Variants in GRM1 observed in about 807,000 individuals in gnomAD.
The protein encoded by GRM1 is glutamate metabotropic receptor 1.
GRM1 carries 33 observed loss-of-function variants against 90.9 expected under a neutral mutation model. The ratio of observed to expected loss-of-function variants is 0.36; its 90% CI spans 0.28 to 0.49. GRM1 has a LOEUF of 0.49. Among genes scored for constraint, GRM1 ranks in the 20% least tolerant of loss-of-function variants. GRM1 has a pLI of 0.99. For synonymous variants in GRM1, 700 were observed against 613.2 expected (o/e 1.14, Z -2.09); for missense variants, 1,190 against 1,534.3 (o/e 0.78, Z 3.75).
At chr6:146,178,459 C>T (rs1583119387) in intron 2 of GRM1, among the ~76,000 whole-genome samples, 1 of 152,124 alleles carries the variant, frequency 6.6e-6, no homozygotes, top group East Asian at 1.9e-4. Flanking sequence ...GGGGATGGGA[C>T]CCAAGTCTAA....
intron 5 of GRM1, among the ~76,000 whole-genome samples, chr6:146,377,993 T>C (rs1349036286): frequency 6.6e-6 from 1 of 152,198 alleles, no homozygotes; most frequent in Non-Finnish European, 1.5e-5. Flanking sequence ...AATATAGTGC[T>C]CAAGCTGTTG....
At chr6:146,164,826 G>T (rs1471514613) in intron 2 of GRM1, among the ~76,000 whole-genome samples, 1 of 152,010 alleles carries the variant, frequency 6.6e-6, no homozygotes, top group Admixed American at 6.6e-5. Context: ...AGCCTTTACT[G>T]TAAGTTCACA....
chr6:146,163,248 C>G (rs1777799803), intron 2 of GRM1, among the ~76,000 whole-genome samples: 1 of 152,126 alleles, frequency 6.6e-6, no homozygotes, highest in South Asian at 2.1e-4. Context: ...TAATCACAAT[C>G]AAGTTAATCA....
At chr6:146,219,907 TTGTGTG>T (rs113309622) in intron 2 of GRM1, among the ~76,000 whole-genome samples, 7 of 148,402 alleles carry the variant, frequency 4.7e-5, no homozygotes, top group Non-Finnish European at 7.5e-5. Context: ...TCTTGTTGTT[TTGTGTG>T]TGTGTGTGTG....
chr6:146,182,606 A>G (rs1276359660), intron 2 of GRM1, among the ~76,000 whole-genome samples: 4 of 152,192 alleles, frequency 2.6e-5, no homozygotes, highest in Non-Finnish European at 5.9e-5. Context: ...TTAAAATGTT[A>G]TATTACCCAT....
chr6:146,049,651 ATATC>A (rs143624231), intron 1 of GRM1, among the ~76,000 whole-genome samples: 51,471 of 147,248 alleles, frequency 0.35, 8,979 homozygotes, highest in Middle Eastern at 0.38. Flanking sequence ...ACCTCCTTTC[ATATC>A]TATCTATCTA....
At chr6:146,401,585 A>G (rs1475299631) in intron 7 of GRM1, among the ~76,000 whole-genome samples, 1 of 152,168 alleles carries the variant, frequency 6.6e-6, no homozygotes, top group African/African-American at 2.4e-5. Context: ...TGCAACACCT[A>G]TGGTTTTCTG....
At chr6:146,352,578 C>T (rs1785445405) in intron 4 of GRM1, 82 bp downstream of exon 4, 3 of 1,413,906 alleles carry the variant, frequency 2.1e-6, no homozygotes, top group Middle Eastern at 2.1e-4. Flanking sequence ...TCATCTGGTT[C>T]CATGGTTTCT....
At chr6:146,221,185 A>G (rs555502540) in intron 2 of GRM1, among the ~76,000 whole-genome samples, 13 of 152,232 alleles carry the variant, frequency 8.5e-5, no homozygotes, top group African/African-American at 3.1e-4. Context: ...TTTTGTAAAG[A>G]ATCAGAGATT....
intron 3 of GRM1, among the ~76,000 whole-genome samples, chr6:146,319,160 T>C (rs1784080655): frequency 6.6e-6 from 1 of 152,068 alleles, no homozygotes; most frequent in Admixed American, 6.5e-5. Context: ...CCATCTTGAG[T>C]TAATTTTTGT....
intron 2 of GRM1, among the ~76,000 whole-genome samples, chr6:146,236,607 TGGGCCCA>T (rs1433382013): frequency 6.6e-6 from 1 of 152,138 alleles, no homozygotes; most frequent in Non-Finnish European, 1.5e-5. Flanking sequence ...TTCAATAGGC[TGGGCCCA>T]GTATATATTT....
At chr6:146,332,534 T>G (rs1784620006) in intron 3 of GRM1, among the ~76,000 whole-genome samples, 1 of 152,220 alleles carries the variant, frequency 6.6e-6, no homozygotes, top group African/African-American at 2.4e-5. Context: ...TCCTTACATT[T>G]GTGCCCTGTT....
intron 2 of GRM1, among the ~76,000 whole-genome samples, chr6:146,220,815 A>T (rs765376081): frequency 2.6e-5 from 4 of 152,096 alleles, no homozygotes; most frequent in Non-Finnish European, 5.9e-5. Flanking sequence ...GTTTGGAGGA[A>T]GTCCCTGGGT....
chr6:146,419,704 A>G (rs983179555), intron 7 of GRM1, among the ~76,000 whole-genome samples: 1 of 152,184 alleles, frequency 6.6e-6, no homozygotes, highest in African/African-American at 2.4e-5. Context: ...ACGTCTTACC[A>G]TGGCAGAGCA....
At position 146,049,949 on chromosome 6, in the gene GRM1, C is replaced by T. The variant is rs188185284; in HGVS notation, c.700+19732C>T. Among the ~76,000 whole-genome samples, 326 of 152,012 alleles carry T rather than the reference C, an allele frequency of 2.1e-3. 2 individuals carry two copies. Among genetic ancestry groups the T allele is most frequent in the Middle Eastern group, 3.4e-3 (1 of 294 alleles). On this transcript the variant is annotated intron_variant, in intron 1 of 7. Transcript: ENST00000282753. ...GGTAAAAAGTGGCAGACGCAGGGTT[C>T]AAACCCAGTCAGTCTCATTCCAAAG...
At chr6:146,178,796 T>C (rs896818238) in intron 2 of GRM1, among the ~76,000 whole-genome samples, 1 of 152,246 alleles carries the variant, frequency 6.6e-6, no homozygotes, top group Admixed American at 6.5e-5. Flanking sequence ...TATGCTTGTA[T>C]ATTCATGTTT....
At chr6:146,368,260 T>G (rs56113840) in intron 5 of GRM1, among the ~76,000 whole-genome samples, 2,047 of 115,846 alleles carry the variant, frequency 0.018, 22 homozygotes, top group Non-Finnish European at 0.023. Flanking sequence ...AGTTTTTTTT[T>G]GGGGGGGGGG....
At chr6:146,122,839 CTTTTT>C (rs57859188) in intron 1 of GRM1, among the ~76,000 whole-genome samples, 6 of 62,198 alleles carry the variant, frequency 9.6e-5, no homozygotes, top group East Asian at 5.4e-4. Flanking sequence ...TCTTTTCTTT[CTTTTT>C]TTTTTTTTTT....
At chr6:146,250,503 CT>C (rs1353888087) in intron 2 of GRM1, among the ~76,000 whole-genome samples, 3 of 152,318 alleles carry the variant, frequency 2.0e-5, no homozygotes, top group East Asian at 3.9e-4. Flanking sequence ...AAGGTCCTTG[CT>C]TCCTCTTTGC....
Sources: gnomAD v4.1 joint callset for allele counts (sites outside exome capture counted in the v4.1 genomes callset) on GRCh38, gnomAD v4.1.1 for gene constraint, MANE v1.5 for transcripts, NCBI Gene and HGNC (gene_info 2026-07-23, HGNC 2026-07-21) for gene names.